MON2: variants seen among roughly 807,000 people sequenced by gnomAD.
MON2 encodes protein MON2 homolog.
A neutral mutation model predicts 208.6 loss-of-function variants in MON2; 84 were observed. The ratio of observed to expected loss-of-function variants is 0.40; its 90% CI spans 0.34 to 0.48. The LOEUF (loss-of-function observed/expected upper bound fraction) is 0.48, where lower values mean the gene tolerates loss of function less well. Ranked by LOEUF, MON2 falls within the 20% of genes least tolerant of loss-of-function variation. MON2 has a pLI of 0.59. For synonymous variants in MON2, 660 were observed against 694.0 expected (o/e 0.95, Z 0.77); for missense variants, 1,611 against 2,015.4 (o/e 0.80, Z 3.84).
At chr12:62,540,897 T>C (rs1195829893) in intron 19 of MON2, among the ~76,000 whole-genome samples, 1 of 152,204 alleles carries the variant, frequency 6.6e-6, no homozygotes, top group Non-Finnish European at 1.5e-5. Flanking sequence ...ATATTAAAAT[T>C]AGTGGGAAAG....
At chr12:62,537,115 A>G in intron 14 of MON2, 36 bp from the exon 15 acceptor site, 1 of 1,263,770 alleles carries the variant, frequency 7.9e-7, no homozygotes, top group South Asian at 1.5e-5. Context: ...ATATAAAAAT[A>G]TATTTTAATT....
chr12:62,488,357 A>T (rs910166094), intron 2 of MON2, among the ~76,000 whole-genome samples: 2 of 152,154 alleles, frequency 1.3e-5, no homozygotes, highest in East Asian at 3.9e-4. Context: ...ATAAAATATA[A>T]AAGTATCAAG....
At chr12:62,560,049 T>G (rs2074138946) in intron 25 of MON2, 1 of 152,658 alleles carries the variant, frequency 6.6e-6, no homozygotes, top group Admixed American at 6.5e-5. Context: ...TCTGTTATCC[T>G]TTGGCAGAAG....
intron 7 of MON2, among the ~76,000 whole-genome samples, chr12:62,504,504 C>G (rs567084000): frequency 1.3e-5 from 2 of 152,112 alleles, no homozygotes; most frequent in Non-Finnish European, 2.9e-5. Context: ...ACCTCAGCCT[C>G]CCAAAGTGCT....
intron 32 of MON2, among the ~76,000 whole-genome samples, chr12:62,582,574 CAAT>C (rs2136464335): frequency 1.3e-5 from 2 of 152,154 alleles, no homozygotes; most frequent in Admixed American, 1.3e-4. Flanking sequence ...TTTCTTCAGT[CAAT>C]AATGTAAAAA....
intron 34 of MON2, chr12:62,588,795 C>T: frequency 9.9e-7 from 1 of 1,008,886 alleles, no homozygotes; most frequent in Non-Finnish European, 1.5e-6. Context: ...CTACTCTGCA[C>T]TAAACTAAAA....
In MON2 at chr12:62,585,566, ACT is replaced by A. The variant is rs112302554; in HGVS notation, c.4907+68_4907+69del. On this transcript the variant is annotated intron_variant, in intron 33 of 34. Transcript: ENST00000393630. Reference sequence around the variant, plus strand: ...GTACTAATTGTTGATAACAAGGAAAACTCTGAAAAGCAAGTGTTTTTGTAAGT... The same window carrying A: ...GTACTAATTGTTGATAACAAGGAAAACTGAAAAGCAAGTGTTTTTGTAAGT... The A allele has an allele frequency of 3.6e-3, 4,727 of 1,308,258 alleles. 149 individuals carry two copies. In the African/African-American group the frequency reaches 0.062, roughly 17 times the overall value. The allele number at this position is 1,308,258 out of a possible 1,614,324, so 81.0% of individuals were successfully genotyped here. A position where few individuals can be genotyped will look rare whatever the true frequency, so the allele number is the denominator to read the frequency against.
intron 8 of MON2, among the ~76,000 whole-genome samples, chr12:62,513,731 G>T (rs2071539674): frequency 8.1e-6 from 1 of 123,264 alleles, no homozygotes; most frequent in Non-Finnish European, 1.9e-5. Context: ...CGGGTCATGA[G>T]GTCAGGAGAT....
rs1031277886 is a variant in MON2, at chr12:62,580,243, T to G, written c.4576-54T>G. The G allele has an allele frequency of 1.4e-5, 22 of 1,537,182 alleles. No homozygotes were observed. In the African/African-American group the frequency reaches 2.9e-4, roughly 20 times the overall value. On this transcript the variant is annotated intron_variant, in intron 31 of 34. Coordinates refer to ENST00000393630, the MANE Select transcript of MON2 (RefSeq NM_015026.3). ...AATTTAAATTTTACTCTAGAAATTA[T>G]TTTAGTCTCTTTCAAAGAAAACAAT...
rs1290941596 is a variant in MON2 at position 62,499,045 on chromosome 12, A to G, written c.562A>G (p.Arg188Gly). The G allele has an allele frequency of 6.2e-7, 1 of 1,611,894 alleles. No homozygotes were observed. Among genetic ancestry groups the G allele is most frequent in the South Asian group, 1.1e-5 (1 of 90,706 alleles). Residue 188 changes from arginine (R) to glycine (G), a missense_variant, in exon 5 of 35, where the codon AGA becomes GGA. Coordinates refer to ENST00000393630, the MANE Select transcript of MON2 (RefSeq NM_015026.3). ...ERMVAEDERH[R>G]DIIEQPVLVQ... ...GATGGTTGCTGAAGATGAACGACAC[A>G]GAGGTAAAGTGCTAGAAGTTGTTTT...
At chr12:62,581,606 C>G (rs115421449) in intron 32 of MON2, among the ~76,000 whole-genome samples, 2,760 of 152,080 alleles carry the variant, frequency 0.018, 87 homozygotes, top group African/African-American at 0.062. Context: ...GAGGCCGAGA[C>G]GGGCAGATCA....
intron 26 of MON2, among the ~76,000 whole-genome samples, chr12:62,563,940 A>G (rs2074283173): frequency 6.6e-6 from 1 of 152,130 alleles, no homozygotes; most frequent in Non-Finnish European, 1.5e-5. Flanking sequence ...AAGATCCAGC[A>G]AGAGGTTAAT....
At chr12:62,468,200 C>T (rs1215034061) in intron 1 of MON2, among the ~76,000 whole-genome samples, 1 of 150,850 alleles carries the variant, frequency 6.6e-6, no homozygotes, top group African/African-American at 2.4e-5. Flanking sequence ...ACAGGCCCGG[C>T]TAATTTTGTA....
intron 24 of MON2, among the ~76,000 whole-genome samples, chr12:62,553,865 T>G (rs2073855330): frequency 6.6e-6 from 1 of 152,188 alleles, no homozygotes; most frequent in African/African-American, 2.4e-5. Flanking sequence ...GTTTTTCAAA[T>G]TAATAGACCC....
intron 19 of MON2, 95 bp from the exon 20 acceptor site, chr12:62,543,002 C>A (rs947498355): frequency 4.7e-6 from 3 of 643,678 alleles, no homozygotes; most frequent in Non-Finnish European, 7.8e-6. Context: ...ATTTTAATTT[C>A]AGTCATGCTC....
At position 62,560,760 on chromosome 12, in the gene MON2, C is replaced by T. The variant is rs1376333990; in HGVS notation, c.3679C>T (p.Pro1227Ser). Residue 1227 changes from proline to serine, a missense_variant, in exon 26 of 35, where the codon CCA (proline) becomes TCA (serine). By Grantham distance (74) the Pro-to-Ser change is moderately conservative (BLOSUM62 -1). Coordinates refer to ENST00000393630, the MANE Select transcript of MON2 (RefSeq NM_015026.3). ...EKLGRYSSSEPPIVTDELEDL... is the reference protein window; with the variant it reads ...EKLGRYSSSESPIVTDELEDL... ...ACTAGGAAGATATAGTAGCTCTGAG[C>T]CACCCATTGTTACTGATGAGCTTGA... 2.5e-6 allele frequency: 4 copies of T among 1,614,054 alleles called. No individual in the cohort carries two copies. Among genetic ancestry groups the T allele is most frequent in the Non-Finnish European group, 8.5e-7 (1 of 1,179,980 alleles).
At chr12:62,500,719 A>G (rs1592883947) in intron 5 of MON2, 64 bp from the exon 6 acceptor site, 3 of 721,338 alleles carry the variant, frequency 4.2e-6, no homozygotes, top group Admixed American at 2.9e-5. Flanking sequence ...TATCTTTTAA[A>G]CAGAATATAT....
At chr12:62,585,133 A>C (rs891597866) in intron 32 of MON2, among the ~76,000 whole-genome samples, 161 bp from the exon 33 acceptor site, 30 of 149,410 alleles carry the variant, frequency 2.0e-4, no homozygotes, top group African/African-American at 3.2e-4. Context: ...AACAAAAAAA[A>C]AACACATTTT....
At chr12:62,563,358 A>G (rs1244350474) in intron 26 of MON2, among the ~76,000 whole-genome samples, 3 of 152,200 alleles carry the variant, frequency 2.0e-5, no homozygotes, top group Admixed American at 2.0e-4. Flanking sequence ...GTTCTCTAGC[A>G]AAGACCTTAG....
Sources: allele counts gnomAD v4.1 joint callset (sites outside exome capture counted in the v4.1 genomes callset), GRCh38; gene constraint gnomAD v4.1.1; transcripts MANE v1.5; gene names NCBI Gene and HGNC (gene_info 2026-07-23, HGNC 2026-07-21).